TYR: variants seen among roughly 807,000 people sequenced by gnomAD.
TYR encodes the protein tyrosinase, also known as LB24-AB.
Under a neutral mutation model 51.5 loss-of-function variants are expected in TYR, and 58 were observed. The observed-to-expected ratio is 1.13, with a 90% CI of 0.91 to 1.40. The LOEUF is 1.40. Ranked by LOEUF, TYR falls within the 40% of genes most tolerant of loss-of-function variation. The pLI is 0.00. For synonymous variants in TYR, 263 were observed against 235.2 expected (o/e 1.12, Z -1.08); for missense variants, 732 against 647.4 (o/e 1.13, Z -1.42).
At chr11:89,195,045 G>A (rs901786996) in intron 2 of TYR, among the ~76,000 whole-genome samples, 2 of 152,138 alleles carry the variant, frequency 1.3e-5, no homozygotes, top group Non-Finnish European at 2.9e-5. Flanking sequence ...CAGGGATGTG[G>A]GGTGTCTTGG....
chr11:89,289,501 T>C (rs1944832475), intron 4 of TYR, among the ~76,000 whole-genome samples: 2 of 151,972 alleles, frequency 1.3e-5, no homozygotes, highest in African/African-American at 4.8e-5. Flanking sequence ...CTTTTCTCCA[T>C]GATGCCTTTC....
intron 3 of TYR, among the ~76,000 whole-genome samples, chr11:89,242,016 T>C (rs1944203111): frequency 6.6e-6 from 1 of 152,020 alleles, no homozygotes; most frequent in African/African-American, 2.4e-5. Flanking sequence ...AATCACATTA[T>C]ACTGTTTCCA....
chr11:89,223,032 G>A (rs1170516938), intron 2 of TYR, among the ~76,000 whole-genome samples: 1 of 152,118 alleles, frequency 6.6e-6, no homozygotes, highest in Non-Finnish European at 1.5e-5. Context: ...GGGGTATAGT[G>A]CAAAGAAATT....
chr11:89,282,817 T>G (rs1043967063), intron 3 of TYR, among the ~76,000 whole-genome samples: 4 of 151,798 alleles, frequency 2.6e-5, no homozygotes, highest in Admixed American at 2.0e-4. Flanking sequence ...CTTTGGCATT[T>G]CTAAAACAGC....
chr11:89,223,213 T>C (rs1943935981), intron 2 of TYR, among the ~76,000 whole-genome samples: 1 of 152,204 alleles, frequency 6.6e-6, no homozygotes, highest in Admixed American at 6.5e-5. Flanking sequence ...GTAATGATAA[T>C]ATTCATATCA....
At chr11:89,202,362 C>T (rs1943607968) in intron 2 of TYR, among the ~76,000 whole-genome samples, 1 of 151,434 alleles carries the variant, frequency 6.6e-6, no homozygotes, top group African/African-American at 2.4e-5. Context: ...AGTTGAGGGA[C>T]AGCATGAAAA....
rs142423041 is a variant in TYR at position 89,229,657 on chromosome 11, A to G, written c.1184+1687A>G. On this transcript the variant is annotated intron_variant, in intron 3 of 4. Coordinates refer to ENST00000263321, the MANE Select transcript of TYR (RefSeq NM_000372.5). ...CCCTTATACACAGAAAAGCCTGAGA[A>G]TTCACTGGAAAACTGTTAAAACTGA... is the stretch of plus-strand genomic sequence containing the variant. Among the ~76,000 whole-genome samples the G allele has an allele frequency of 7.8e-3, 1,194 of 152,204 alleles. 20 individuals are homozygous for G. Among genetic ancestry groups the G allele is most frequent in the African/African-American group, 0.027 (1,101 of 41,534 alleles).
At chr11:89,191,613 G>A (rs1943447731) in intron 2 of TYR, among the ~76,000 whole-genome samples, 195 bp downstream of exon 2, 1 of 152,086 alleles carries the variant, frequency 6.6e-6, no homozygotes, top group African/African-American at 2.4e-5. Context: ...AGCTTCAGGA[G>A]CCAGGCATGG....
chr11:89,254,774 G>T (rs1490348480), intron 3 of TYR, among the ~76,000 whole-genome samples: 3 of 151,672 alleles, frequency 2.0e-5, no homozygotes, highest in Non-Finnish European at 2.9e-5. Context: ...CAAAGAACAA[G>T]CTTTTTGTTT....
intron 3 of TYR, among the ~76,000 whole-genome samples, chr11:89,258,302 T>G (rs1412718847): frequency 6.6e-6 from 1 of 152,018 alleles, no homozygotes; most frequent in African/African-American, 2.4e-5. Context: ...ATATTAGCTA[T>G]CTATATCAAA....
At chr11:89,187,282 G>A (rs1376183221) in intron 1 of TYR, among the ~76,000 whole-genome samples, 1 of 152,106 alleles carries the variant, frequency 6.6e-6, no homozygotes, top group African/African-American at 2.4e-5. Flanking sequence ...ATATTTACAG[G>A]TAAGACAGAC....
rs771132544 is a variant in TYR, at chr11:89,178,062, C to T, written c.109C>T (p.Pro37Ser). ...GAACCTGATGGAGAAGGAATGCTGT[C>T]CACCGTGGAGCGGGGACAGGAGTCC... is the stretch of plus-strand genomic sequence containing the variant. ...SKNLMEKECC[P>S]PWSGDRSPCG... Residue 37 changes from proline (P) to serine (S), a missense_variant, in exon 1 of 5, where the codon CCA becomes TCA. By Grantham distance (74) the Pro-to-Ser change is moderately conservative. Coordinates refer to ENST00000263321, the MANE Select transcript of TYR (RefSeq NM_000372.5). The T allele has an allele frequency of 1.9e-6, 3 of 1,614,092 alleles. No individual in the cohort carries two copies. In the African/African-American group the frequency reaches 4.0e-5, roughly 22 times the overall value.
At chr11:89,182,228 T>C (rs1240765071) in intron 1 of TYR, among the ~76,000 whole-genome samples, 1 of 152,180 alleles carries the variant, frequency 6.6e-6, no homozygotes, top group Non-Finnish European at 1.5e-5. Flanking sequence ...GACTATAATA[T>C]ACACATGGAA....
intron 4 of TYR, among the ~76,000 whole-genome samples, chr11:89,294,399 G>A (rs2135331947): frequency 6.6e-6 from 1 of 152,160 alleles, no homozygotes; most frequent in South Asian, 2.1e-4. Flanking sequence ...GCTCCCCTAA[G>A]CCCCGCCCCT....
chr11:89,179,061 T>C (rs1943267718), intron 1 of TYR, among the ~76,000 whole-genome samples: 1 of 152,232 alleles, frequency 6.6e-6, no homozygotes, highest in African/African-American at 2.4e-5. Context: ...CCTTTAAAAA[T>C]GGCAATAGTG....
chr11:89,188,496 T>C (rs1419502943), intron 1 of TYR, among the ~76,000 whole-genome samples: 1 of 152,002 alleles, frequency 6.6e-6, no homozygotes, highest in Non-Finnish European at 1.5e-5. Flanking sequence ...TTGTTCTCAA[T>C]GGAGGAGTGG....
At position 89,264,046 on chromosome 11, in the gene TYR, A is replaced by G. The variant is rs1157030987; in HGVS notation, c.1185-20727A>G. Among the ~76,000 whole-genome samples, 4 of 152,074 alleles carry G rather than the reference A, an allele frequency of 2.6e-5. No homozygotes were observed. In the East Asian group the frequency reaches 7.8e-4, roughly 30 times the overall value. On this transcript the variant is annotated intron_variant, in intron 3 of 4. Coordinates refer to ENST00000263321, the MANE Select transcript of TYR (RefSeq NM_000372.5). ...GATTTTCTTGAATAAATGTTTCAGC[A>G]TTTGCTGTGTACCCTTAGAATAACT...
At chr11:89,214,734 T>C (rs1379796179) in intron 2 of TYR, among the ~76,000 whole-genome samples, 1 of 151,914 alleles carries the variant, frequency 6.6e-6, no homozygotes, top group Non-Finnish European at 1.5e-5. Context: ...TCAGACCCAC[T>C]GAAATAGCAC....
intron 4 of TYR, among the ~76,000 whole-genome samples, chr11:89,289,296 A>G (rs956882717): frequency 6.6e-6 from 1 of 152,034 alleles, no homozygotes; most frequent in African/African-American, 2.4e-5. Flanking sequence ...CTGCCAATGG[A>G]ATTTGATGAC....
Sources: gnomAD v4.1 joint callset for allele counts (sites outside exome capture counted in the v4.1 genomes callset) on GRCh38, gnomAD v4.1.1 for gene constraint, MANE v1.5 for transcripts, NCBI Gene and HGNC (gene_info 2026-07-23, HGNC 2026-07-21) for gene names.